ZNF831: variants seen among roughly 807,000 people sequenced by gnomAD.
ZNF831 encodes zinc finger protein 831, also known as chromosome 20 open reading frame 174.
ZNF831 carries 59 observed loss-of-function variants against 95.8 expected under a neutral mutation model. The ratio of observed to expected loss-of-function variants is 0.62; its 90% CI spans 0.50 to 0.77. ZNF831 has a LOEUF of 0.77. Among genes scored for constraint, ZNF831 ranks in the 30% least tolerant of loss-of-function variants. ZNF831 has a pLI of 0.00. For missense variants in ZNF831, 2,205 were observed against 2,164.0 expected (o/e 1.02, Z -0.38); for synonymous variants, 961 against 925.5 (o/e 1.04, Z -0.70).
intron 4 of ZNF831, among the ~76,000 whole-genome samples, chr20:59,252,355 A>G (rs539278491): frequency 1.8e-4 from 27 of 152,294 alleles, no homozygotes; most frequent in African/African-American, 6.5e-4. Flanking sequence ...CCTCTCTGAA[A>G]TTTTGTGATC....
At chr20:59,194,908 A>G (rs771038844) in intron 2 of ZNF831, 151 bp downstream of exon 2, 41 of 1,152,826 alleles carry the variant, frequency 3.6e-5, no homozygotes, top group Non-Finnish European at 4.7e-5. Flanking sequence ...GGGATACCAC[A>G]TAGACAGCAG....
chr20:59,159,063 CA>C (rs984211122), upstream of ZNF831, among the ~76,000 whole-genome samples: 3 of 151,922 alleles, frequency 2.0e-5, no homozygotes, highest in African/African-American at 7.3e-5. Context: ...ATGAATATTA[CA>C]AAAAATATCA....
chr20:59,195,003 T>A (rs1983979142), intron 2 of ZNF831, among the ~76,000 whole-genome samples: 1 of 152,122 alleles, frequency 6.6e-6, no homozygotes, highest in Admixed American at 6.5e-5. Flanking sequence ...ACTCAAGACA[T>A]GAGGTGAGAT....
rs2146765115 is a variant in ZNF831 at position 59,254,165 on chromosome 20, A to G, written c.4456A>G (p.Ile1486Val). The G allele has an allele frequency of 3.7e-6, 6 of 1,613,832 alleles. No individual in the cohort carries two copies. The highest frequency in any genetic ancestry group is 5.1e-6 in the Non-Finnish European group (6 of 1,179,962). Residue 1486 changes from isoleucine (I) to valine (V), a missense_variant, in exon 6 of 6, where the codon ATT becomes GTT. Transcript: ENST00000371030. The surrounding 1 kb of genome is among the most constrained non-coding windows in gnomAD (Gnocchi z 4.5). ...CAAAGGAACTTTTCCCCACCATGAC[A>G]TTGCTACCTCTGTGGCTGCCGTTTG... Reference protein sequence around the residue: ...GSKGTFPHHDIATSVAAVCIS... With the variant: ...GSKGTFPHHDVATSVAAVCIS...
chr20:59,163,014 G>GGTGT (rs58451639), upstream of ZNF831, among the ~76,000 whole-genome samples: 3,519 of 136,468 alleles, frequency 0.026, 47 homozygotes, highest in Middle Eastern at 0.048. Flanking sequence ...TGTATTCCTA[G>GGTGT]GTGTGTGTGT....
In ZNF831 at chr20:59,208,767, A is replaced by G. The variant is rs1488500191; in HGVS notation, c.4027+1711A>G. Among the ~76,000 whole-genome samples, 1 of 152,010 alleles carries G rather than the reference A, an allele frequency of 6.6e-6. No homozygotes were observed. Among genetic ancestry groups the G allele is most frequent in the African/African-American group, 2.4e-5 (1 of 41,350 alleles). ...TTTTCCTTTATGGGGTAGAGCTTGG[A>G]TGGAACCCCTGCTGAGACGCTGGCA... On this transcript the variant is annotated intron_variant, in intron 4 of 5. Coordinates refer to ENST00000371030, the MANE Select transcript of ZNF831 (RefSeq NM_178457.3). The surrounding 1 kb of genome is among the most constrained non-coding windows in gnomAD (Gnocchi z 4.2).
Position 59,243,861 on chromosome 20 carries a change from A to C in ZNF831, c.4028-9117A>C, listed in dbSNP as rs116801844. 5.4e-3 allele frequency among the ~76,000 whole-genome samples: 820 copies of C among 152,332 alleles called. 9 individuals carry two copies. The highest frequency in any genetic ancestry group is 0.018 in the African/African-American group (762 of 41,568). On this transcript the variant is annotated intron_variant, in intron 4 of 5. Transcript: ENST00000371030. ...TCTACAATTTTCATTTAGAGTTAAG[A>C]AAGTTTGAAATTAATGATCCATAAA...
chr20:59,219,574 TG>T (rs1985943113), intron 4 of ZNF831, among the ~76,000 whole-genome samples: 1 of 151,150 alleles, frequency 6.6e-6, no homozygotes, highest in Admixed American at 6.6e-5. Context: ...TAGCAGGGGG[TG>T]GGGCATGCTT....
intron 4 of ZNF831, among the ~76,000 whole-genome samples, chr20:59,233,311 T>C (rs1986838114): frequency 1.3e-5 from 2 of 152,256 alleles, no homozygotes; most frequent in South Asian, 4.2e-4. Context: ...ACCCAAATCA[T>C]GGCCAAGGTG....
intron 4 of ZNF831, among the ~76,000 whole-genome samples, chr20:59,248,452 TTTCTC>T (rs1444356534): frequency 6.6e-6 from 1 of 152,236 alleles, no homozygotes; most frequent in African/African-American, 2.4e-5. Flanking sequence ...ATAATTCACT[TTTCTC>T]TGTAGACTGC....
At chr20:59,239,124 G>A (rs747265715) in intron 4 of ZNF831, among the ~76,000 whole-genome samples, 28 of 152,250 alleles carry the variant, frequency 1.8e-4, no homozygotes, top group Middle Eastern at 6.8e-3. Flanking sequence ...AGCATCCTTT[G>A]GGGTACAGGC....
At chr20:59,182,183 G>C (rs1982673714) in intron 1 of ZNF831, among the ~76,000 whole-genome samples, 1 of 151,886 alleles carries the variant, frequency 6.6e-6, no homozygotes, top group African/African-American at 2.4e-5. Context: ...TGGGCCTGTG[G>C]CCTGGACATG....
chr20:59,123,661 A>G (rs556327853), intron 1 of ZNF831, among the ~76,000 whole-genome samples: 1 of 152,294 alleles, frequency 6.6e-6, no homozygotes, highest in Non-Finnish European at 1.5e-5. Flanking sequence ...AAGCAGGGCA[A>G]GGAGGAAGAA....
rs1009962058 is a variant in ZNF831 at position 59,194,757 on chromosome 20, G to C, written c.3738G>C (p.Lys1246Asn). Residue 1246 changes from lysine to asparagine, a missense_variant and splice_region_variant, in exon 2 of 6, where the codon AAG (lysine) becomes AAC (asparagine). Coordinates refer to ENST00000371030, the MANE Select transcript of ZNF831 (RefSeq NM_178457.3). ...PGEGGPAQMS[K>N]FSYPTVPGVM... Reference sequence around the variant, plus strand: ...AAGGAGGGCCGGCGCAGATGTCCAAGGTAAAGCTGGGCTTTGCCCCAGGGC... The same window carrying C: ...AAGGAGGGCCGGCGCAGATGTCCAACGTAAAGCTGGGCTTTGCCCCAGGGC... The C allele has an allele frequency of 6.5e-7, 1 of 1,548,842 alleles. No homozygotes were observed.
rs2146550293 is a variant in ZNF831, at chr20:59,191,595, G to A, written c.576G>A (p.Arg192=). The A allele has an allele frequency of 6.2e-7, 1 of 1,601,274 alleles. No individual in the cohort carries two copies. The highest frequency in any genetic ancestry group is 8.5e-7 in the Non-Finnish European group (1 of 1,172,730). The change falls in exon 2 of 6, where the codon CGG becomes CGA. Residue 192 remains arginine (R), a synonymous_variant. Transcript: ENST00000371030. ...KTQSNLYKHR[R]TQTHLNNSRL... ...AGAGCAATCTCTACAAGCACAGGCGGACGCAGACGCACCTCAACAACTCCC... is the reference window on the plus strand; with the variant it reads ...AGAGCAATCTCTACAAGCACAGGCGAACGCAGACGCACCTCAACAACTCCC...
At chr20:59,218,642 T>A (rs1369120511) in intron 4 of ZNF831, among the ~76,000 whole-genome samples, 1 of 151,884 alleles carries the variant, frequency 6.6e-6, no homozygotes, top group African/African-American at 2.4e-5. Context: ...TCAATCTAAC[T>A]GGCCTGGTTT....
intron 1 of ZNF831, among the ~76,000 whole-genome samples, chr20:59,190,046 C>T (rs1463544242): frequency 3.3e-5 from 5 of 152,328 alleles, no homozygotes; most frequent in African/African-American, 9.6e-5. Flanking sequence ...ATAGCTGGAC[C>T]TCTCTTGCTC....
intron 2 of ZNF831, among the ~76,000 whole-genome samples, chr20:59,155,005 C>T (rs905639790): frequency 1.3e-5 from 2 of 152,214 alleles, no homozygotes; most frequent in Non-Finnish European, 2.9e-5. Context: ...GCAAGGGGGC[C>T]GCTTTCTTAT....
At chr20:59,175,662 A>T (rs1424741392) in intron 1 of ZNF831, among the ~76,000 whole-genome samples, 1 of 152,038 alleles carries the variant, frequency 6.6e-6, no homozygotes, top group Admixed American at 6.6e-5. Flanking sequence ...TTTCAAGCAT[A>T]TTTGTAAGTG....
Sources: gnomAD v4.1 joint callset for allele counts (sites outside exome capture counted in the v4.1 genomes callset) on GRCh38, gnomAD v4.1.1 for gene constraint, Gnocchi (gnomAD v3.1) non-coding constraint, MANE v1.5 for transcripts, NCBI Gene and HGNC (gene_info 2026-07-23, HGNC 2026-07-21) for gene names.